ITGAE: variants seen among roughly 807,000 people sequenced by gnomAD.
ITGAE encodes integrin subunit alpha E.
In ITGAE, 99 loss-of-function variants were observed where a neutral mutation model predicts 136.5. The observed-to-expected ratio is 0.73, with a 90% CI of 0.62 to 0.86. ITGAE has a LOEUF of 0.86. Ranked by LOEUF, ITGAE falls within the 40% of genes least tolerant of loss-of-function variation. The pLI is 0.00. For synonymous variants in ITGAE, 613 were observed against 591.8 expected (o/e 1.04, Z -0.52); for missense variants, 1,447 against 1,515.3 (o/e 0.95, Z 0.75).
At chr17:3,753,675 C>A in intron 13 of ITGAE, 108 bp downstream of exon 13, 1 of 1,407,468 alleles carries the variant, frequency 7.1e-7, no homozygotes, top group Non-Finnish European at 9.6e-7. Flanking sequence ...TGAGTTTCAC[C>A]CAGCCCGGGC....
In ITGAE at chr17:3,771,535, T is replaced by TCTC. The variant is rs113945304; in HGVS notation, c.155+6004_155+6005insGAG. On this transcript the variant is annotated intron_variant, in intron 2 of 30. Transcript: ENST00000263087. ...TGCTTATGAGGTGTGCATTTTTCTC[T>TCTC]TTTTTTTTTTTTTTTTTTTGGAGAG... Among the ~76,000 whole-genome samples the TCTC allele has an allele frequency of 3.5e-3, 465 of 131,604 alleles. 5 individuals are homozygous for TCTC. The highest frequency in any genetic ancestry group is 0.012 in the African/African-American group (428 of 35,370). The allele number at this position is 131,604 out of a possible 152,430, so 86.3% of individuals were successfully genotyped here.
At chr17:3,792,367 T>C (rs2052962009) in intron 1 of ITGAE, among the ~76,000 whole-genome samples, 1 of 152,220 alleles carries the variant, frequency 6.6e-6, no homozygotes, top group South Asian at 2.1e-4. Flanking sequence ...TCCGCCCGCC[T>C]TGGCCTCCCA....
At chr17:3,726,230 T>C in intron 26 of ITGAE, 1 of 1,614,200 alleles carries the variant, frequency 6.2e-7, no homozygotes. Flanking sequence ...GTAACACTCC[T>C]GCCATGAAGC....
At position 3,723,671 on chromosome 17, in the gene ITGAE, G is replaced by T; in HGVS notation, c.3141+17C>A. 1 of 1,576,668 alleles carries T rather than the reference G, an allele frequency of 6.3e-7. No individual in the cohort carries two copies. Among genetic ancestry groups the T allele is most frequent in the South Asian group, 1.1e-5 (1 of 87,348 alleles). ...GCCCTCCGCCCTCCCCTGGCCTCTCGGGACGGCCGCGCTTACCTGAACCGA... is the reference window on the plus strand; with the variant it reads ...GCCCTCCGCCCTCCCCTGGCCTCTCTGGACGGCCGCGCTTACCTGAACCGA... On this transcript the variant is annotated intron_variant, in intron 27 of 30. Transcript: ENST00000263087.
At chr17:3,764,569 T>C (rs949518908) in intron 2 of ITGAE, among the ~76,000 whole-genome samples, 1 of 152,134 alleles carries the variant, frequency 6.6e-6, no homozygotes, top group Non-Finnish European at 1.5e-5. Context: ...TGGTGGCGTG[T>C]GCCTGTAGTC....
At chr17:3,772,582 G>C (rs1331154291) in intron 2 of ITGAE, among the ~76,000 whole-genome samples, 1 of 151,522 alleles carries the variant, frequency 6.6e-6, no homozygotes, top group African/African-American at 2.4e-5. Context: ...TCCTGCCTCA[G>C]CCTCCCAAGC....
chr17:3,757,324 G>C (rs889005760), intron 9 of ITGAE, among the ~76,000 whole-genome samples, 190 bp from the exon 10 acceptor site: 2 of 152,054 alleles, frequency 1.3e-5, no homozygotes. Flanking sequence ...AAGTACACCT[G>C]TTCTCCTGAA....
At position 3,759,484 on chromosome 17, in the gene ITGAE, C is replaced by T. The variant is rs1597341388; in HGVS notation, c.784G>A (p.Val262Met). The change falls in exon 8 of 31, where the codon GTG (valine) becomes ATG (methionine). Residue 262 changes from valine (V) to methionine (M), a missense_variant. Physicochemically the swap from Val to Met is conservative, Grantham distance 21 (BLOSUM62 1). This residue lies in a region of ITGAE where 310 missense variants were observed against 416.1 expected (regional missense o/e 0.74). Coordinates refer to ENST00000263087, the MANE Select transcript of ITGAE (RefSeq NM_002208.5). ...TEFDLRDSQDVMASLARVQNI... is the reference protein window; with the variant it reads ...TEFDLRDSQDMMASLARVQNI... ...TGGACTCTGGCGAGGGAGGCCATCA[C>T]ATCCTGGCTGTCCCGAAGGTCAAAC... 1 of 1,614,116 alleles carries T rather than the reference C, an allele frequency of 6.2e-7. No individual in the cohort carries two copies. The highest frequency in any genetic ancestry group is 1.3e-5 in the African/African-American group (1 of 74,944).
At chr17:3,733,840 G>T (rs1414674061) in intron 21 of ITGAE, among the ~76,000 whole-genome samples, 1 of 152,174 alleles carries the variant, frequency 6.6e-6, no homozygotes, top group Admixed American at 6.5e-5. Flanking sequence ...GTAAAGCAGG[G>T]CTGAGTGTCA....
chr17:3,748,675 G>A (rs111781241), intron 16 of ITGAE, among the ~76,000 whole-genome samples: 2,943 of 152,250 alleles, frequency 0.019, 74 homozygotes, highest in South Asian at 0.06. Context: ...GAGGCATTTC[G>A]GTTGAGATTT....
chr17:3,725,604 A>T (rs766198575), intron 26 of ITGAE: 2 of 1,614,118 alleles, frequency 1.2e-6, no homozygotes, highest in Non-Finnish European at 8.5e-7. Flanking sequence ...AGAAGGCTTT[A>T]TCGGGCTGAA....
At chr17:3,757,983 G>A in intron 8 of ITGAE, 124 bp from the exon 9 acceptor site, 1 of 1,158,248 alleles carries the variant, frequency 8.6e-7, no homozygotes, top group Admixed American at 2.2e-5. Flanking sequence ...GAAAGACCCA[G>A]AGAAGGGGGT....
At chr17:3,725,043 C>A in intron 26 of ITGAE, 1 of 1,614,242 alleles carries the variant, frequency 6.2e-7, no homozygotes, top group South Asian at 1.1e-5. Context: ...GTTCCCCACC[C>A]AGGACCTGAC....
At position 3,743,570 on chromosome 17, in the gene ITGAE, GT is replaced by G; in HGVS notation, c.2366del (p.Tyr789SerfsTer64). 1 of 1,613,374 alleles carries G rather than the reference GT, an allele frequency of 6.2e-7. No individual in the cohort carries two copies. The highest frequency in any genetic ancestry group is 8.5e-7 in the Non-Finnish European group (1 of 1,179,736). On this transcript the variant is annotated frameshift_variant, in exon 19 of 31. Coordinates refer to ENST00000263087, the MANE Select transcript of ITGAE (RefSeq NM_002208.5). LOFTEE classifies it high-confidence loss of function. The part of the protein sequence containing the change: ...CFSNASVKVS[Y>X]QLQTPEGQTD... The stretch of plus-strand genomic sequence containing the variant: ...TCTGTCCCTCAGGGGTCTGGAGCTG[GT>G]AGCTGACTTTGACACTGGCATTGGA...
At position 3,728,113 on chromosome 17, in the gene ITGAE, G is replaced by T; in HGVS notation, c.2968C>A (p.Leu990Ile). 2 of 1,612,346 alleles carry T rather than the reference G, an allele frequency of 1.2e-6. No individual in the cohort carries two copies. The highest frequency in any genetic ancestry group is 2.7e-5 in the African/African-American group (2 of 74,990). ...GQGLSHHKEF[L>I]FHVHGENLFG... ...CAATAATAAGTACTTACATGGAAGAGGAATTCTTTGTGGTGAGAAAGCCCC... is the reference window on the plus strand; with the variant it reads ...CAATAATAAGTACTTACATGGAAGATGAATTCTTTGTGGTGAGAAAGCCCC... Residue 990 changes from leucine to isoleucine, a missense_variant, in exon 25 of 31, where the codon CTC (leucine) becomes ATC (isoleucine). By Grantham distance (5) the Leu-to-Ile change is conservative. Around this residue, in one of 3 missense-constraint regions of ITGAE, gnomAD observed 1,031 missense variants for 1,011.4 expected, o/e 1.02. Coordinates refer to ENST00000263087, the MANE Select transcript of ITGAE (RefSeq NM_002208.5).
chr17:3,761,345 T>C, intron 5 of ITGAE, 58 bp downstream of exon 5: 1 of 1,552,624 alleles, frequency 6.4e-7, no homozygotes, highest in Admixed American at 1.9e-5. Flanking sequence ...TGCCTTTTCT[T>C]GGAGACCAAG....
intron 3 of ITGAE, among the ~76,000 whole-genome samples, chr17:3,763,172 C>G (rs747771025): frequency 6.6e-6 from 1 of 152,120 alleles, no homozygotes; most frequent in Non-Finnish European, 1.5e-5. Context: ...AGATTACAGG[C>G]GTGAGCCACG....
At chr17:3,715,206 A>G (rs2050919768) in intron 30 of ITGAE, among the ~76,000 whole-genome samples, 1 of 152,196 alleles carries the variant, frequency 6.6e-6, no homozygotes, top group South Asian at 2.1e-4. Context: ...CTTATTTTGC[A>G]AAGCATGATA....
At chr17:3,740,356 C>T (rs2051555372) in intron 19 of ITGAE, among the ~76,000 whole-genome samples, 1 of 152,152 alleles carries the variant, frequency 6.6e-6, no homozygotes, top group Non-Finnish European at 1.5e-5. Context: ...TTCCTCATGG[C>T]TAGTCATCTG....
Sources: gnomAD v4.1 joint callset for allele counts (sites outside exome capture counted in the v4.1 genomes callset) on GRCh38, gnomAD v4.1.1 for gene constraint, gnomAD v4.1.1 regional missense constraint, MANE v1.5 for transcripts, NCBI Gene and HGNC (gene_info 2026-07-23, HGNC 2026-07-21) for gene names.